The following VAV2 variants were observed in gnomAD, a reference collection of about 807,000 sequenced individuals.
VAV2 encodes the protein vav guanine nucleotide exchange factor 2.
Under a neutral mutation model 132.5 loss-of-function variants are expected in VAV2, and 67 were observed. The ratio of observed to expected loss-of-function variants is 0.51; its 90% CI spans 0.42 to 0.62. The LOEUF (loss-of-function observed/expected upper bound fraction) is 0.62, where lower values mean the gene tolerates loss of function less well. Ranked by LOEUF, VAV2 falls within the 20% of genes least tolerant of loss-of-function variation. The pLI is 0.00. For missense variants in VAV2, 938 were observed against 1,153.6 expected, an observed-to-expected ratio of 0.81 and a Z score of 2.71; for synonymous variants, 492 against 443.5, an observed-to-expected ratio of 1.11 and a Z score of -1.37.
chr9:133,874,771 A>T (rs1277544228), intron 2 of VAV2, among the ~76,000 whole-genome samples: 2 of 151,978 alleles, frequency 1.3e-5, no homozygotes, highest in South Asian at 4.2e-4. Flanking sequence ...GCTGGAACAC[A>T]GGCGTCTACA....
chr9:133,855,698 C>T (rs1424485788), intron 3 of VAV2, among the ~76,000 whole-genome samples: 3 of 152,190 alleles, frequency 2.0e-5, no homozygotes, highest in African/African-American at 4.8e-5. Flanking sequence ...TAAGGAAATG[C>T]GAGGTCACTG....
In VAV2 at chr9:133,804,225, T is replaced by C. The variant is rs1342595790; in HGVS notation, c.836+1856A>G. 1.3e-5 allele frequency among the ~76,000 whole-genome samples: 2 copies of C among 152,196 alleles called. No individual in the cohort carries two copies. Among genetic ancestry groups the C allele is most frequent in the Non-Finnish European group, 2.9e-5 (2 of 68,022 alleles). ...AGAGGAAAGGGGCAAAAAAGCTGGA[T>C]GCTGGGACAGAACCACGATGATTTG... On this transcript the variant is annotated intron_variant, in intron 9 of 29. Coordinates refer to ENST00000371850, the MANE Select transcript of VAV2 (RefSeq NM_001134398.2). The surrounding 1 kb of genome is among the most constrained non-coding windows in gnomAD (Gnocchi z 4.5).
intron 19 of VAV2, among the ~76,000 whole-genome samples, chr9:133,782,901 C>T (rs1027011740): frequency 2.6e-5 from 4 of 152,258 alleles, no homozygotes; most frequent in South Asian, 2.1e-4. Context: ...GGTATGCCCC[C>T]GACCCAAGGT....
chr9:133,972,226 C>T (rs992073629), intron 1 of VAV2, among the ~76,000 whole-genome samples: 3 of 152,184 alleles, frequency 2.0e-5, no homozygotes, highest in South Asian at 4.1e-4. Flanking sequence ...GATTTATTGA[C>T]GTGGTTTTTC....
chr9:133,868,754 C>A (rs113674604), intron 2 of VAV2, among the ~76,000 whole-genome samples: 66 of 152,372 alleles, frequency 4.3e-4, no homozygotes, highest in African/African-American at 1.5e-3. Flanking sequence ...TGCAGCCCCA[C>A]AGCTTCCCCT....
In VAV2 at chr9:133,814,224, G is replaced by A. The variant is rs190967931; in HGVS notation, c.450-2008C>T. 5.1e-3 allele frequency among the ~76,000 whole-genome samples: 774 copies of A among 152,244 alleles called. 7 individuals are homozygous for A. Among genetic ancestry groups the A allele is most frequent in the African/African-American group, 0.017 (727 of 41,562 alleles). On this transcript the variant is annotated intron_variant, in intron 4 of 29. Coordinates refer to ENST00000371850, the MANE Select transcript of VAV2 (RefSeq NM_001134398.2). The stretch of plus-strand genomic sequence containing the variant: ...AGGTCCATCCCCAGCCAGGTCCGGC[G>A]ACTGCCTTAGAAACTGCCACCAGCG...
intron 2 of VAV2, among the ~76,000 whole-genome samples, chr9:133,867,457 C>T (rs1267239375): frequency 6.6e-6 from 1 of 152,196 alleles, no homozygotes; most frequent in African/African-American, 2.4e-5. Context: ...AAAAGGCTCA[C>T]AAGTCCCCGG....
intron 2 of VAV2, among the ~76,000 whole-genome samples, chr9:133,875,008 C>T (rs1049914284): frequency 1.3e-5 from 2 of 152,148 alleles, no homozygotes; most frequent in African/African-American, 2.4e-5. Flanking sequence ...CATAGCCAGT[C>T]GGGGCAGAGC....
In VAV2 at chr9:133,961,240, A is replaced by G. The variant is rs775524616; in HGVS notation, c.205-22021T>C. ...ACCTTTTGATCTCAGAGGAGTGTCCATTAAGAGTAGGGTTCCTCACTCTCA... is the reference window on the plus strand; with the variant it reads ...ACCTTTTGATCTCAGAGGAGTGTCCGTTAAGAGTAGGGTTCCTCACTCTCA... On this transcript the variant is annotated intron_variant, in intron 1 of 29. Transcript: ENST00000371850. This position sits in a 1 kb window ranked among gnomAD's most constrained non-coding sequence, Gnocchi z 4.1. 6.6e-6 allele frequency among the ~76,000 whole-genome samples: 1 copy of G among 152,230 alleles called. No individual in the cohort carries two copies. The highest frequency in any genetic ancestry group is 2.4e-5 in the African/African-American group (1 of 41,466).
At position 133,961,211 on chromosome 9, in the gene VAV2, G is replaced by C. The variant is rs1841955356; in HGVS notation, c.205-21992C>G. On this transcript the variant is annotated intron_variant, in intron 1 of 29. Coordinates refer to ENST00000371850, the MANE Select transcript of VAV2 (RefSeq NM_001134398.2). The surrounding 1 kb of genome is among the most constrained non-coding windows in gnomAD (Gnocchi z 4.1). ...ACAATCACTGCAGTCCAACAGAATA[G>C]TCAACCTTTTGATCTCAGAGGAGTG... 6.6e-6 allele frequency among the ~76,000 whole-genome samples: 1 copy of C among 152,250 alleles called. No individual in the cohort carries two copies. The highest frequency in any genetic ancestry group is 6.5e-5 in the Admixed American group (1 of 15,288).
At chr9:133,907,179 C>T (rs182806636) in intron 2 of VAV2, among the ~76,000 whole-genome samples, 102 of 152,358 alleles carry the variant, frequency 6.7e-4, no homozygotes, top group African/African-American at 2.3e-3. Flanking sequence ...TGCCAGCCCA[C>T]GCTGGGCACA....
At chr9:133,787,555 A>C (rs1027044032) in intron 15 of VAV2, among the ~76,000 whole-genome samples, 1 of 152,162 alleles carries the variant, frequency 6.6e-6, no homozygotes, top group Non-Finnish European at 1.5e-5. Context: ...CGAGGGCTAC[A>C]CTGCCAGCCC....
At chr9:133,782,016 TAGG>T (rs1420568556) in intron 19 of VAV2, among the ~76,000 whole-genome samples, 6 of 152,064 alleles carry the variant, frequency 3.9e-5, no homozygotes, top group Non-Finnish European at 8.8e-5. Flanking sequence ...TGCCTGGGGA[TAGG>T]AGGAGTAGTT....
At chr9:133,848,625 C>T (rs904079448) in intron 3 of VAV2, among the ~76,000 whole-genome samples, 7 of 152,386 alleles carry the variant, frequency 4.6e-5, no homozygotes, top group African/African-American at 7.2e-5. Flanking sequence ...CGCCGCTAAG[C>T]GCTGCCTTCA....
rs1343906356 is a variant in VAV2, at chr9:133,885,970, ACTTGT to A, written c.322-24543_322-24539del. ...GACTATGCTAGACAACCAACTTTAA[ACTTGT>A]TACAAATCCCAGAGAGAGAAGCGTG... On this transcript the variant is annotated intron_variant, in intron 2 of 29. Transcript: ENST00000371850. The surrounding 1 kb of genome is among the most constrained non-coding windows in gnomAD (Gnocchi z 5.0). 1.3e-5 allele frequency among the ~76,000 whole-genome samples: 2 copies of A among 152,044 alleles called. No individual in the cohort carries two copies. The highest frequency in any genetic ancestry group is 4.8e-5 in the African/African-American group (2 of 41,374).
At chr9:133,772,743 G>A (rs1235346815) in intron 25 of VAV2, among the ~76,000 whole-genome samples, 1 of 152,072 alleles carries the variant, frequency 6.6e-6, no homozygotes, top group Non-Finnish European at 1.5e-5. Flanking sequence ...ATACAGTCAG[G>A]CGGCGTTTAA....
intron 18 of VAV2, among the ~76,000 whole-genome samples, 187 bp from the exon 19 acceptor site, chr9:133,783,778 ACCTCCACCAGCCTG>A (rs1194857395): frequency 2.0e-5 from 3 of 147,758 alleles, no homozygotes; most frequent in African/African-American, 5.1e-5. Context: ...GCTTTCCCCT[ACCTCCACCAGCCTG>A]CCTCCCTGCC....
intron 3 of VAV2, among the ~76,000 whole-genome samples, chr9:133,842,281 G>A (rs1369369505): frequency 2.6e-5 from 4 of 152,200 alleles, no homozygotes; most frequent in African/African-American, 7.2e-5. Context: ...AGAAGGCCCC[G>A]CACGGTGACT....
rs187988236 is a variant in VAV2 at position 133,891,971 on chromosome 9, G to A, written c.322-30539C>T. Among the ~76,000 whole-genome samples the A allele has an allele frequency of 3.0e-3, 421 of 140,374 alleles. 1 individual carries two copies. Among genetic ancestry groups the A allele is most frequent in the African/African-American group, 0.011 (405 of 36,864 alleles). 92.1% of individuals were successfully genotyped at this position (140,374 alleles called of 152,430 possible). Reference sequence around the variant, plus strand: ...GATGAGTGGACCAAGGCATTCGGGGGAGAGGTGGAGAGAGAGGGAGAGAGG... The same window carrying A: ...GATGAGTGGACCAAGGCATTCGGGGAAGAGGTGGAGAGAGAGGGAGAGAGG... On this transcript the variant is annotated intron_variant, in intron 2 of 29. Transcript: ENST00000371850.
Sources: gnomAD v4.1 joint callset for allele counts (sites outside exome capture counted in the v4.1 genomes callset) on GRCh38, gnomAD v4.1.1 for gene constraint, Gnocchi (gnomAD v3.1) non-coding constraint, MANE v1.5 for transcripts, NCBI Gene and HGNC (gene_info 2026-07-23, HGNC 2026-07-21) for gene names.